Variants in CSMD1 observed in about 807,000 individuals in gnomAD.
The protein encoded by CSMD1 is CUB and Sushi multiple domains 1.
A neutral mutation model predicts 417.5 loss-of-function variants in CSMD1; 213 were observed. The observed-to-expected ratio is 0.51, with a 90% CI of 0.46 to 0.57. The LOEUF is 0.57. Among genes scored for constraint, CSMD1 ranks in the 20% least tolerant of loss-of-function variants. The pLI is 0.00. For missense variants in CSMD1, 6,923 were observed against 4,529.7 expected (o/e 1.53, Z -15.17); for synonymous variants, 2,862 against 1,736.8 (o/e 1.65, Z -16.11).
chr8:4,137,218 T>C (rs2131001767), intron 3 of CSMD1, among the ~76,000 whole-genome samples: 1 of 152,318 alleles, frequency 6.6e-6, no homozygotes, highest in Non-Finnish European at 1.5e-5. Context: ...CAGTTGCCTT[T>C]AATTAATTCT....
intron 5 of CSMD1, among the ~76,000 whole-genome samples, chr8:3,934,448 T>A (rs192104721): frequency 6.6e-6 from 1 of 152,194 alleles, no homozygotes; most frequent in Non-Finnish European, 1.5e-5. Flanking sequence ...GTTCTCATAA[T>A]TTTCAAAGTA....
intron 5 of CSMD1, among the ~76,000 whole-genome samples, chr8:3,949,506 G>C (rs1462050158): frequency 6.6e-6 from 1 of 152,132 alleles, no homozygotes; most frequent in Non-Finnish European, 1.5e-5. Flanking sequence ...TTATTACACT[G>C]TCAGGAGCAA....
At chr8:4,764,914 C>A (rs1346457239) in intron 1 of CSMD1, among the ~76,000 whole-genome samples, 5 of 86,376 alleles carry the variant, frequency 5.8e-5, no homozygotes, top group Non-Finnish European at 9.9e-5. Flanking sequence ...CAAAAAAAAA[C>A]CTTTGCTGAG....
intron 6 of CSMD1, among the ~76,000 whole-genome samples, chr8:3,743,408 G>C (rs897145441): frequency 1.3e-5 from 2 of 152,202 alleles, no homozygotes; most frequent in African/African-American, 4.8e-5. Flanking sequence ...GGAATAGTGT[G>C]ACATTAGGAT....
chr8:4,970,339 G>C (rs1209067718), intron 1 of CSMD1, among the ~76,000 whole-genome samples: 6 of 152,046 alleles, frequency 3.9e-5, no homozygotes, highest in Admixed American at 2.6e-4. Flanking sequence ...GTGTATTAAA[G>C]TACCCAGAAC....
At chr8:3,729,183 C>G (rs1359799801) in intron 6 of CSMD1, among the ~76,000 whole-genome samples, 1 of 152,130 alleles carries the variant, frequency 6.6e-6, no homozygotes, top group Non-Finnish European at 1.5e-5. Context: ...GACTTACTGC[C>G]ACGCAATAAG....
intron 1 of CSMD1, among the ~76,000 whole-genome samples, chr8:4,932,036 A>G (rs1177338485): frequency 6.6e-6 from 1 of 152,234 alleles, no homozygotes; most frequent in Non-Finnish European, 1.5e-5. Flanking sequence ...AATAAAATGC[A>G]TATTGCTAAC....
At position 3,408,201 on chromosome 8, in the gene CSMD1, G is replaced by A; in HGVS notation, c.1769C>T (p.Ala590Val). The change falls in exon 14 of 70, where the codon GCA becomes GTA. Residue 590 changes from alanine (A) to valine (V), a missense_variant. Ala to Val is a moderately conservative substitution (Grantham distance 64). Transcript: ENST00000635120. ...TGGTGACAGAATAATCCCAGATGAT[G>A]CCGTAAAGTTGAAGAAACATGAAAC... is the stretch of plus-strand genomic sequence containing the variant. ...CVFSCFFNFTASSGIILSPNY... is the reference protein window; with the variant it reads ...CVFSCFFNFTVSSGIILSPNY... 40 of 1,606,552 alleles carry A rather than the reference G, an allele frequency of 2.5e-5. No homozygotes were observed. The highest frequency in any genetic ancestry group is 3.2e-5 in the Non-Finnish European group (38 of 1,175,264).
At chr8:4,349,494 C>G (rs1022798439) in intron 3 of CSMD1, among the ~76,000 whole-genome samples, 1 of 152,160 alleles carries the variant, frequency 6.6e-6, no homozygotes, top group Non-Finnish European at 1.5e-5. Context: ...AGAGCTCTAT[C>G]TAGAATCTAC....
intron 3 of CSMD1, among the ~76,000 whole-genome samples, chr8:4,313,593 C>A (rs1056999757): frequency 6.6e-6 from 1 of 151,568 alleles, no homozygotes; most frequent in African/African-American, 2.4e-5. Flanking sequence ...AATTAACTGT[C>A]AATGTGGACT....
intron 3 of CSMD1, among the ~76,000 whole-genome samples, chr8:4,169,370 C>G (rs575054287): frequency 6.6e-6 from 1 of 152,246 alleles, no homozygotes; most frequent in South Asian, 2.1e-4. Flanking sequence ...GCGTTTTCCA[C>G]TTCCTCAGGC....
chr8:3,642,845 G>C (rs141475577), intron 7 of CSMD1, among the ~76,000 whole-genome samples: 163 of 151,910 alleles, frequency 1.1e-3, no homozygotes, highest in African/African-American at 3.9e-3. Context: ...ATTTGTGTAT[G>C]TGTATATCTA....
At chr8:4,619,142 T>A (rs528020332) in intron 2 of CSMD1, among the ~76,000 whole-genome samples, 1 of 152,138 alleles carries the variant, frequency 6.6e-6, no homozygotes, top group African/African-American at 2.4e-5. Flanking sequence ...ATTTAACTCA[T>A]GAGAAAGAAA....
intron 12 of CSMD1, among the ~76,000 whole-genome samples, chr8:3,416,201 C>T (rs1042933563): frequency 1.4e-5 from 2 of 146,550 alleles, no homozygotes; most frequent in African/African-American, 5.0e-5. Context: ...ACTCGGGAGG[C>T]TGAGGCAGGA....
intron 2 of CSMD1, among the ~76,000 whole-genome samples, chr8:4,555,705 C>A (rs567153325): frequency 2.0e-5 from 3 of 152,276 alleles, no homozygotes; most frequent in Non-Finnish European, 4.4e-5. Flanking sequence ...GGGTGAGATT[C>A]TTCACAGGAG....
chr8:4,369,427 G>A (rs78781639), intron 3 of CSMD1, among the ~76,000 whole-genome samples: 7,033 of 152,178 alleles, frequency 0.046, 415 homozygotes, highest in African/African-American at 0.14. Context: ...ATCACTGTTG[G>A]GTGGAGTGTT....
intron 2 of CSMD1, among the ~76,000 whole-genome samples, chr8:4,588,802 AC>A (rs1350047012): frequency 6.6e-6 from 1 of 151,524 alleles, no homozygotes; most frequent in Non-Finnish European, 1.5e-5. Context: ...ACACACACAC[AC>A]ACAAAAGAAA....
At chr8:4,567,568 A>C (rs867081725) in intron 2 of CSMD1, among the ~76,000 whole-genome samples, 6 of 152,204 alleles carry the variant, frequency 3.9e-5, no homozygotes, top group African/African-American at 1.2e-4. Flanking sequence ...TGTCTGAATT[A>C]GTCACAAAAT....
chr8:4,726,485 C>A (rs900976376), intron 1 of CSMD1, among the ~76,000 whole-genome samples: 1 of 152,008 alleles, frequency 6.6e-6, no homozygotes, highest in South Asian at 2.1e-4. Flanking sequence ...TTTTTTACTT[C>A]GTTTTTCAAA....
Sources: gnomAD v4.1 joint callset for allele counts (sites outside exome capture counted in the v4.1 genomes callset) on GRCh38, gnomAD v4.1.1 for gene constraint, MANE v1.5 for transcripts, NCBI Gene and HGNC (gene_info 2026-07-23, HGNC 2026-07-21) for gene names.